The following EBF3 variants were observed in gnomAD, a reference collection of about 807,000 sequenced individuals.
The protein encoded by EBF3 is EBF transcription factor 3, also known as transcription factor COE3.
In EBF3, 18 loss-of-function variants were observed where a neutral mutation model predicts 77.1. The ratio of observed to expected loss-of-function variants is 0.23; its 90% CI spans 0.16 to 0.35. EBF3 has a LOEUF of 0.35. Among genes scored for constraint, EBF3 ranks in the 10% least tolerant of loss-of-function variants. The pLI, the probability that EBF3 is intolerant of heterozygous loss-of-function variation, is 1.00. For missense variants in EBF3, 558 were observed against 860.0 expected (o/e 0.65, Z 4.39); for synonymous variants, 350 against 343.5 (o/e 1.02, Z -0.21).
chr10:129,910,241 G>A (rs1212785227), intron 6 of EBF3, among the ~76,000 whole-genome samples: 1 of 152,226 alleles, frequency 6.6e-6, no homozygotes, highest in African/African-American at 2.4e-5. Context: ...CATGTGTCCT[G>A]TAAGCACAGA....
intron 6 of EBF3, among the ~76,000 whole-genome samples, chr10:129,927,085 A>G (rs932437038): frequency 1.3e-5 from 2 of 152,332 alleles, no homozygotes; most frequent in East Asian, 1.9e-4. Context: ...TAGCAAACCT[A>G]AAAGCCTGAA....
intron 5 of EBF3, 91 bp downstream of exon 5, chr10:129,958,843 C>G: frequency 7.0e-7 from 1 of 1,437,928 alleles, no homozygotes; most frequent in South Asian, 1.4e-5. Flanking sequence ...CGGAGCTGGG[C>G]GGGGTGGCGG....
chr10:129,937,858 C>G (rs75213193), intron 6 of EBF3, among the ~76,000 whole-genome samples: 1 of 152,108 alleles, frequency 6.6e-6, no homozygotes, highest in Non-Finnish European at 1.5e-5. Context: ...GAGGAATTCC[C>G]GGGGAAACAT....
chr10:129,846,505 T>C (rs1332596311), intron 11 of EBF3, among the ~76,000 whole-genome samples: 1 of 151,790 alleles, frequency 6.6e-6, no homozygotes, highest in African/African-American at 2.4e-5. Context: ...CTTTTTTCTC[T>C]GTCTCTCTGC....
chr10:129,923,267 CCCT>C (rs1418011722), intron 6 of EBF3, among the ~76,000 whole-genome samples: 3 of 152,178 alleles, frequency 2.0e-5, no homozygotes, highest in African/African-American at 7.2e-5. Context: ...AAGTGTGATG[CCCT>C]CCTCAGGTCT....
chr10:129,909,287 G>A (rs554421952), intron 6 of EBF3, among the ~76,000 whole-genome samples: 8 of 152,136 alleles, frequency 5.3e-5, no homozygotes, highest in Non-Finnish European at 7.4e-5. Flanking sequence ...CCATGAACAC[G>A]GGGATCCCCA....
chr10:129,925,599 AAAAAAAAAGAAAGAAAG>A (rs1856613726), intron 6 of EBF3, among the ~76,000 whole-genome samples: 1 of 151,838 alleles, frequency 6.6e-6, no homozygotes, highest in African/African-American at 2.4e-5. Flanking sequence ...CTCAAAAAAA[AAAAAAAAAGAAAGAAAG>A]AAAGAAAGTA....
chr10:129,890,313 C>T (rs778591863), intron 6 of EBF3, among the ~76,000 whole-genome samples: 1 of 152,196 alleles, frequency 6.6e-6, no homozygotes, highest in Non-Finnish European at 1.5e-5. Context: ...ACTGCCGAGA[C>T]CCCAGGCGGC....
At chr10:129,850,441 T>C (rs1850788285) in intron 10 of EBF3, among the ~76,000 whole-genome samples, 1 of 152,186 alleles carries the variant, frequency 6.6e-6, no homozygotes, top group Admixed American at 6.5e-5. Flanking sequence ...CTTTCACCTC[T>C]CAGTTCAGCC....
chr10:129,912,719 A>G (rs1855609119), intron 6 of EBF3, among the ~76,000 whole-genome samples: 1 of 152,370 alleles, frequency 6.6e-6, no homozygotes, highest in Admixed American at 6.5e-5. Flanking sequence ...AACAGTGCTC[A>G]GTGGAAATTT....
chr10:129,880,818 C>G (rs1853153449), intron 6 of EBF3, among the ~76,000 whole-genome samples: 1 of 152,222 alleles, frequency 6.6e-6, no homozygotes, highest in Non-Finnish European at 1.5e-5. Flanking sequence ...TTGGTCATGT[C>G]TGAGTTGGGG....
In EBF3 at chr10:129,938,591, G is replaced by A. The variant is rs1284867050; in HGVS notation, c.554+18667C>T. ...TAAAAGTAAAAAAATAGAAGTTCAT[G>A]AGGGAAAAGAAGAAAACAATTTAGC... On this transcript the variant is annotated intron_variant, in intron 6 of 16. Coordinates refer to ENST00000440978, the MANE Select transcript of EBF3 (RefSeq NM_001375380.1). The surrounding 1 kb of genome is among the most constrained non-coding windows in gnomAD (Gnocchi z 5.1). Among the ~76,000 whole-genome samples, 1 of 152,118 alleles carries A rather than the reference G, an allele frequency of 6.6e-6. No individual in the cohort carries two copies. Among genetic ancestry groups the A allele is most frequent in the East Asian group, 1.9e-4 (1 of 5,192 alleles).
chr10:129,960,140 GGGGC>G (rs1859389622), intron 4 of EBF3, among the ~76,000 whole-genome samples: 1 of 152,064 alleles, frequency 6.6e-6, no homozygotes, highest in Non-Finnish European at 1.5e-5. Flanking sequence ...TACTGGGGGA[GGGGC>G]GGGAGGCTGG....
intron 6 of EBF3, among the ~76,000 whole-genome samples, chr10:129,933,298 A>G (rs923840061): frequency 6.6e-6 from 1 of 152,178 alleles, no homozygotes; most frequent in Non-Finnish European, 1.5e-5. Context: ...TTGAATAATA[A>G]CTGCTGCGAA....
intron 11 of EBF3, among the ~76,000 whole-genome samples, chr10:129,846,159 C>A: frequency 7.2e-6 from 1 of 138,606 alleles, no homozygotes; most frequent in Admixed American, 7.3e-5. Flanking sequence ...AAACATTTGC[C>A]TATTTATGCC....
Position 129,885,584 on chromosome 10 carries a change from C to T in EBF3, c.555-7735G>A, listed in dbSNP as rs960837598. The stretch of plus-strand genomic sequence containing the variant: ...TGTTTCAAGTGCCTATCTTTCTTTC[C>T]CCCCTTTACCTATTTCTCTATTTCT... On this transcript the variant is annotated intron_variant, in intron 6 of 16. Coordinates refer to ENST00000440978, the MANE Select transcript of EBF3 (RefSeq NM_001375380.1). This position sits in a 1 kb window ranked among gnomAD's most constrained non-coding sequence, Gnocchi z 4.0. 2.0e-5 allele frequency among the ~76,000 whole-genome samples: 3 copies of T among 152,184 alleles called. No individual in the cohort carries two copies. Among genetic ancestry groups the T allele is most frequent in the South Asian group, 2.1e-4 (1 of 4,814 alleles).
At chr10:129,962,106 C>T in intron 4 of EBF3, 65 bp downstream of exon 4, 1 of 1,547,618 alleles carries the variant, frequency 6.5e-7, no homozygotes, top group Non-Finnish European at 8.9e-7. Context: ...GTGCCCTTGC[C>T]TCTGAAGCCC....
chr10:129,925,388 G>T (rs1856598842), intron 6 of EBF3, among the ~76,000 whole-genome samples: 1 of 151,864 alleles, frequency 6.6e-6, no homozygotes, highest in African/African-American at 2.4e-5. Flanking sequence ...TCAGGAGTTC[G>T]AGACCAGGCT....
intron 6 of EBF3, among the ~76,000 whole-genome samples, chr10:129,950,406 G>A (rs1378699786): frequency 6.6e-6 from 1 of 152,130 alleles, no homozygotes; most frequent in Non-Finnish European, 1.5e-5. Context: ...TTGTTTTTAA[G>A]GGGAAGGGGA....
Sources: gnomAD v4.1 joint callset for allele counts (sites outside exome capture counted in the v4.1 genomes callset) on GRCh38, gnomAD v4.1.1 for gene constraint, Gnocchi (gnomAD v3.1) non-coding constraint, MANE v1.5 for transcripts, NCBI Gene and HGNC (gene_info 2026-07-23, HGNC 2026-07-21) for gene names.